The following CDC42BPG variants were observed in gnomAD, a reference collection of about 807,000 sequenced individuals.
CDC42BPG encodes the protein CDC42 binding protein kinase gamma, also known as serine/threonine-protein kinase MRCK gamma.
In CDC42BPG, 157 loss-of-function variants were observed where a neutral mutation model predicts 192.2. The ratio of observed to expected loss-of-function variants is 0.82; its 90% CI spans 0.72 to 0.93. The LOEUF (loss-of-function observed/expected upper bound fraction) is 0.93. Ranked by LOEUF, CDC42BPG falls within the 40% of genes least tolerant of loss-of-function variation. The pLI is 0.00. For missense variants in CDC42BPG, 1,992 were observed against 2,122.1 expected (o/e 0.94, Z 1.20); for synonymous variants, 981 against 918.5 (o/e 1.07, Z -1.23).
At position 64,829,752 on chromosome 11, in the gene CDC42BPG, T is replaced by C. The variant is rs1942595443; in HGVS notation, c.3686A>G (p.Gln1229Arg). ...IRELQAPATV[Q>R]SLGLLGDRLC... Reference sequence around the variant, plus strand: ...CCGGTCGCCCAGCAGCCCCAGGCTCTGCACAGTGGCAGGTGCCTGCAGCTC... The same window carrying C: ...CCGGTCGCCCAGCAGCCCCAGGCTCCGCACAGTGGCAGGTGCCTGCAGCTC... Residue 1229 changes from glutamine (Q) to arginine (R), a missense_variant, in exon 30 of 37, where the codon CAG (glutamine) becomes CGG (arginine). Transcript: ENST00000342711. The C allele has an allele frequency of 6.2e-7, 1 of 1,605,770 alleles. No homozygotes were observed. Among genetic ancestry groups the C allele is most frequent in the South Asian group, 1.1e-5 (1 of 90,598 alleles).
intron 11 of CDC42BPG, 102 bp from the exon 12 acceptor site, chr11:64,836,632 T>A: frequency 1.8e-6 from 2 of 1,122,728 alleles, no homozygotes; most frequent in Non-Finnish European, 2.5e-6. Flanking sequence ...GCTCAGAGAG[T>A]ATAAAATGCT....
Position 64,839,471 on chromosome 11 carries a change from T to G in CDC42BPG, c.675+7A>C. The G allele has an allele frequency of 6.2e-7, 1 of 1,612,746 alleles. No homozygotes were observed. Among genetic ancestry groups the G allele is most frequent in the Non-Finnish European group, 8.5e-7 (1 of 1,179,758 alleles). On this transcript the variant is annotated splice_region_variant and intron_variant, in intron 6 of 36. Transcript: ENST00000342711. The stretch of plus-strand genomic sequence containing the variant: ...CCCCTGCTCCCACTCTGGGGCGGGG[T>G]CCTTACCATGCCGTTGGTGTTGAGA...
At chr11:64,842,130 A>AACTC (rs1943308958) in intron 1 of CDC42BPG, among the ~76,000 whole-genome samples, 4 of 151,912 alleles carry the variant, frequency 2.6e-5, no homozygotes, top group South Asian at 4.2e-4. Flanking sequence ...TGGTCCCTGG[A>AACTC]CCTCCCTGGA....
intron 23 of CDC42BPG, 65 bp from the exon 24 acceptor site, chr11:64,833,401 A>G: frequency 9.9e-7 from 1 of 1,011,946 alleles, no homozygotes; most frequent in Non-Finnish European, 1.4e-6. Flanking sequence ...CTGAGGGGTC[A>G]GGAAAGACAA....
chr11:64,833,136 G>A, intron 24 of CDC42BPG, 95 bp downstream of exon 24: 1 of 1,251,812 alleles, frequency 8.0e-7, no homozygotes, highest in South Asian at 1.3e-5. Flanking sequence ...TTGACCAGCA[G>A]GTGCCAGTGA....
chr11:64,836,363 C>T (rs1942987312), intron 12 of CDC42BPG, 64 bp downstream of exon 12: 13 of 1,126,710 alleles, frequency 1.2e-5, no homozygotes, highest in Non-Finnish European at 1.6e-5. Flanking sequence ...GTCCATGGAG[C>T]CCAGGGCCAC....
Position 64,835,414 on chromosome 11 carries a change from C to T in CDC42BPG, c.1886G>A (p.Ser629Asn), listed in dbSNP as rs1216487299. ...CTGGCACAGAGCCTCCTCCTTACCA[C>T]TCGGCCTGGGGAGGAGAAGGCCAAG... The part of the protein sequence containing the change: ...QLEQAHSHRP[S>N]GKEEALCQLQ... Residue 629 changes from serine (S) to asparagine (N), a missense_variant, in exon 16 of 37, where the codon AGT (serine) becomes AAT (asparagine). Physicochemically the swap from Ser to Asn is conservative, Grantham distance 46 (BLOSUM62 1). Coordinates refer to ENST00000342711, the MANE Select transcript of CDC42BPG (RefSeq NM_017525.3). 2 of 1,613,756 alleles carry T rather than the reference C, an allele frequency of 1.2e-6. No individual in the cohort carries two copies. Among genetic ancestry groups the T allele is most frequent in the Non-Finnish European group, 8.5e-7 (1 of 1,180,012 alleles).
intron 36 of CDC42BPG, among the ~76,000 whole-genome samples, chr11:64,825,936 C>T (rs1942395190): frequency 6.6e-6 from 1 of 152,046 alleles, no homozygotes; most frequent in East Asian, 1.9e-4. Context: ...CATGGTGATG[C>T]ATGCCTGTAA....
rs1261189912 is a variant in CDC42BPG, at chr11:64,823,185, C to T, written c.*1288G>A. Among the ~76,000 whole-genome samples, 1 of 150,826 alleles carries T rather than the reference C, an allele frequency of 6.6e-6. No homozygotes were observed. The highest frequency in any genetic ancestry group is 1.5e-5 in the Non-Finnish European group (1 of 67,780). On this transcript the variant is annotated 3_prime_UTR_variant, in exon 37 of 37. Coordinates refer to ENST00000342711, the MANE Select transcript of CDC42BPG (RefSeq NM_017525.3). Reference sequence around the variant, plus strand: ...CACTGCAAGCTCCGCCTCCCGGGTTCACGCCATTCTCCTGCCTCAGCCTCC... The same window carrying T: ...CACTGCAAGCTCCGCCTCCCGGGTTTACGCCATTCTCCTGCCTCAGCCTCC...
At position 64,834,427 on chromosome 11, in the gene CDC42BPG, A is replaced by C. The variant is rs1415637844; in HGVS notation, c.2324+2T>G. ...GCCCCCAGTGCCTGCCCCTAGCCTCACCGCTCAGCCTGCAGCTGGGCCTCC... is the reference window on the plus strand; with the variant it reads ...GCCCCCAGTGCCTGCCCCTAGCCTCCCCGCTCAGCCTGCAGCTGGGCCTCC... On this transcript the variant is annotated splice_donor_variant, in intron 19 of 36. Coordinates refer to ENST00000342711, the MANE Select transcript of CDC42BPG (RefSeq NM_017525.3). LOFTEE classifies it high-confidence loss of function. 6.4e-7 allele frequency: 1 copy of C among 1,563,212 alleles called. No homozygotes were observed. The highest frequency in any genetic ancestry group is 8.7e-7 in the Non-Finnish European group (1 of 1,155,186).
chr11:64,842,087 C>A (rs1182711825), intron 1 of CDC42BPG, among the ~76,000 whole-genome samples, 183 bp from the exon 2 acceptor site: 2 of 152,176 alleles, frequency 1.3e-5, no homozygotes, highest in African/African-American at 4.8e-5. Context: ...TCAGGAAGTG[C>A]GGAAGGTCAG....
At position 64,837,001 on chromosome 11, in the gene CDC42BPG, G is replaced by C; in HGVS notation, c.1224C>G (p.Ser408Arg). ...YTSGSHSPES[S>R]SEAWAALERK... ...GCTCCAGGGCAGCCCAAGCCTCAGA[G>C]CTGCTCTCAGGACTGTGACTGTAGG... The change falls in exon 10 of 37, where the codon AGC (serine) becomes AGG (arginine). Residue 408 changes from serine to arginine, a missense_variant. Coordinates refer to ENST00000342711, the MANE Select transcript of CDC42BPG (RefSeq NM_017525.3). The C allele has an allele frequency of 6.2e-7, 1 of 1,613,516 alleles. No homozygotes were observed. The highest frequency in any genetic ancestry group is 2.2e-5 in the East Asian group (1 of 44,882).
Position 64,834,456 on chromosome 11 carries a change from A to G in CDC42BPG, c.2297T>C (p.Val766Ala). Residue 766 changes from valine to alanine, a missense_variant, in exon 19 of 37, where the codon GTG becomes GCG. Physicochemically the swap from Val to Ala is moderately conservative, Grantham distance 64. Coordinates refer to ENST00000342711, the MANE Select transcript of CDC42BPG (RefSeq NM_017525.3). ...KQGLQERLTQ[V>A]QEAQLQAERR... is the part of the protein sequence containing the mutation. The stretch of plus-strand genomic sequence containing the variant: ...CTCAGCCTGCAGCTGGGCCTCCTGC[A>G]CCTGTGTCAGCCGCTCCTGCAGGCC... 2 of 1,568,326 alleles carry G rather than the reference A, an allele frequency of 1.3e-6. No individual in the cohort carries two copies. The highest frequency in any genetic ancestry group is 1.8e-5 in the Admixed American group (1 of 56,604).
In CDC42BPG at chr11:64,833,929, G is replaced by A. The variant is rs750658902; in HGVS notation, c.2462C>T (p.Ser821Leu). 10 of 1,614,108 alleles carry A rather than the reference G, an allele frequency of 6.2e-6. No individual in the cohort carries two copies. The highest frequency in any genetic ancestry group is 8.5e-6 in the Non-Finnish European group (10 of 1,180,050). ...GCCCCTTGGCCTGGTCCTTACCTCT[G>A]AGCTCCGGAAGGACAGGAAGGGAAT... The part of the protein sequence containing the change: ...SLIPFLSFRS[S>L]EKDSAKDPGI... Residue 821 changes from serine to leucine, a missense_variant, in exon 21 of 37, where the codon TCA (serine) becomes TTA (leucine). Coordinates refer to ENST00000342711, the MANE Select transcript of CDC42BPG (RefSeq NM_017525.3).
chr11:64,835,208 C>T lies in CDC42BPG; in HGVS notation c.1954-55G>A, dbSNP rs1332656685. On this transcript the variant is annotated intron_variant, in intron 16 of 36. Transcript: ENST00000342711. ...CAGGCCCCAGCAGTCCTGGGACTGCCGTCTCCCTGTAGGTACCCCAGCACC... is the reference window on the plus strand; with the variant it reads ...CAGGCCCCAGCAGTCCTGGGACTGCTGTCTCCCTGTAGGTACCCCAGCACC... 19 of 1,601,832 alleles carry T rather than the reference C, an allele frequency of 1.2e-5. No individual in the cohort carries two copies. In the Admixed American group the frequency reaches 1.8e-4, roughly 15 times the overall value.
intron 23 of CDC42BPG, 22 bp downstream of exon 23, chr11:64,833,578 G>A (rs1363546637): frequency 1.3e-6 from 2 of 1,594,764 alleles, no homozygotes; most frequent in South Asian, 1.1e-5. Flanking sequence ...CCCCCACCCT[G>A]CTTGCCCCTC....
chr11:64,831,894 G>T lies in CDC42BPG; in HGVS notation c.3088-173C>A, dbSNP rs527419314. On this transcript the variant is annotated intron_variant, in intron 27 of 36. Coordinates refer to ENST00000342711, the MANE Select transcript of CDC42BPG (RefSeq NM_017525.3). ...AGAGCCATGCGACCAGCGCCATAAT[G>T]GGGCAAGGACGGGCCTAGTGGGAAC... Among the ~76,000 whole-genome samples, 15 of 152,378 alleles carry T rather than the reference G, an allele frequency of 9.8e-5. No homozygotes were observed. In the East Asian group the frequency reaches 2.7e-3, roughly 27 times the overall value.
chr11:64,826,411 T>A, intron 36 of CDC42BPG, 59 bp downstream of exon 36: 1 of 1,232,886 alleles, frequency 8.1e-7, no homozygotes, highest in Non-Finnish European at 1.2e-6. Flanking sequence ...AGGCCTAGCA[T>A]AAAACGGAAC....
chr11:64,827,989 T>C lies in CDC42BPG; in HGVS notation c.3968-206A>G, dbSNP rs142932575. On this transcript the variant is annotated intron_variant, in intron 30 of 36. Transcript: ENST00000342711. ...GCCTGGCTCAGTTCTAAACACGACA[T>C]GCTTTTCCTGCCTTAATTTTCTAAC... 9.8e-5 allele frequency among the ~76,000 whole-genome samples: 15 copies of C among 152,302 alleles called. No individual in the cohort carries two copies. The East Asian group carries it at 2.9e-3, about 29-fold the overall frequency.
Sources: allele counts gnomAD v4.1 joint callset (sites outside exome capture counted in the v4.1 genomes callset), GRCh38; gene constraint gnomAD v4.1.1; transcripts MANE v1.5; gene names NCBI Gene and HGNC (gene_info 2026-07-23, HGNC 2026-07-21).